TRIM66: variants seen among roughly 807,000 people sequenced by gnomAD.
The protein encoded by TRIM66 is tripartite motif containing 66.
Under a neutral mutation model 148.2 loss-of-function variants are expected in TRIM66, and 99 were observed. The ratio of observed to expected loss-of-function variants is 0.67; its 90% CI spans 0.57 to 0.79. The LOEUF (loss-of-function observed/expected upper bound fraction) is 0.79. Ranked by LOEUF, TRIM66 falls within the 30% of genes least tolerant of loss-of-function variation. TRIM66 has a pLI of 0.00. For synonymous variants in TRIM66, 616 were observed against 635.9 expected (o/e 0.97, Z 0.47); for missense variants, 1,666 against 1,697.9 (o/e 0.98, Z 0.33).
intron 15 of TRIM66, among the ~76,000 whole-genome samples, chr11:8,627,470 AG>A: frequency 6.6e-6 from 1 of 152,358 alleles, no homozygotes; most frequent in African/African-American, 2.4e-5. Flanking sequence ...TAACCATTAA[AG>A]GTTAAAAGAA....
chr11:8,632,603 G>A (rs191971345), intron 15 of TRIM66, among the ~76,000 whole-genome samples: 1 of 152,050 alleles, frequency 6.6e-6, no homozygotes, highest in African/African-American at 2.4e-5. Flanking sequence ...GATTATAGGT[G>A]TCCACCACCA....
rs2033698498 is a variant in TRIM66, at chr11:8,616,028, C to G, written c.*1916G>C. On this transcript the variant is annotated 3_prime_UTR_variant, in exon 25 of 25. Coordinates refer to ENST00000646038, the MANE Select transcript of TRIM66 (RefSeq NM_001388022.1). ...AGCCAACTGAACAGAGAAGGAGATTCAAAAATTGAAAGGGAAATGACCAGA... is the reference window on the plus strand; with the variant it reads ...AGCCAACTGAACAGAGAAGGAGATTGAAAAATTGAAAGGGAAATGACCAGA... The G allele has an allele frequency of 6.6e-6, 1 of 152,160 alleles. No homozygotes were observed. Among genetic ancestry groups the G allele is most frequent in the African/African-American group, 2.4e-5 (1 of 41,412 alleles). The allele number at this position is 152,160 out of a possible 1,614,324, so 9.4% of individuals were successfully genotyped here. A position where few individuals can be genotyped will look rare whatever the true frequency, so the allele number is the denominator to read the frequency against.
At chr11:8,640,170 T>C in intron 14 of TRIM66, 57 bp downstream of exon 14, 1 of 1,495,048 alleles carries the variant, frequency 6.7e-7, no homozygotes, top group Non-Finnish European at 9.0e-7. Flanking sequence ...GAGGCTGTGT[T>C]CCCTGAGTGA....
chr11:8,650,152 T>C (rs1281418792), intron 7 of TRIM66, among the ~76,000 whole-genome samples: 1 of 151,432 alleles, frequency 6.6e-6, no homozygotes, highest in East Asian at 1.9e-4. Context: ...GCAGGAGGAG[T>C]GCTTGAGCCC....
chr11:8,620,322 T>G, intron 21 of TRIM66, 124 bp downstream of exon 21: 1 of 1,447,710 alleles, frequency 6.9e-7, no homozygotes, highest in African/African-American at 1.4e-5. Context: ...GGCCAAGTTG[T>G]CAGGCATAGG....
Position 8,625,052 on chromosome 11 carries a change from C to T in TRIM66, c.2487G>A (p.Leu829=). 6.4e-7 allele frequency: 1 copy of T among 1,551,748 alleles called. No homozygotes were observed. The highest frequency in any genetic ancestry group is 8.7e-7 in the Non-Finnish European group (1 of 1,147,016). ...LSAPPKMVSS[L]TSVQNQAMPS... ...GCATGGCCTGGTTTTGAACACTTGT[C>T]AGGCTGGACACCATTTTGGGGGGAG... The change falls in exon 16 of 25, where the codon CTG becomes CTA. Residue 829 remains leucine (L), a synonymous_variant. Transcript: ENST00000646038.
At chr11:8,619,187 C>G in intron 23 of TRIM66, 196 bp downstream of exon 23, 1 of 733,148 alleles carries the variant, frequency 1.4e-6, no homozygotes, top group Non-Finnish European at 2.2e-6. Flanking sequence ...TCACTAGTAC[C>G]TCCCCTTTTT....
At chr11:8,660,385 C>T (rs2038164113) in intron 6 of TRIM66, among the ~76,000 whole-genome samples, 1 of 152,250 alleles carries the variant, frequency 6.6e-6, no homozygotes, top group Admixed American at 6.5e-5. Context: ...CCTGGTTCCT[C>T]TACAGCTATT....
intron 6 of TRIM66, among the ~76,000 whole-genome samples, chr11:8,668,761 A>G (rs910757262): frequency 4.6e-5 from 7 of 151,644 alleles, no homozygotes; most frequent in African/African-American, 1.7e-4. Flanking sequence ...AACTTTTTGT[A>G]TTTTAGTAGA....
Position 8,646,531 on chromosome 11 carries a change from C to T in TRIM66, c.873G>A (p.Lys291=). The T allele has an allele frequency of 1.3e-6, 2 of 1,551,938 alleles. No homozygotes were observed. The highest frequency in any genetic ancestry group is 1.7e-6 in the Non-Finnish European group (2 of 1,147,016). The change falls in exon 11 of 25, where the codon AAG becomes AAA. Residue 291 remains lysine (K), a synonymous_variant. Coordinates refer to ENST00000646038, the MANE Select transcript of TRIM66 (RefSeq NM_001388022.1). ...RIFEVKHQHR[K]VENQIKMAKM... is the part of the protein sequence containing the mutation. ...TGGCCATTTTGATCTGGTTTTCCAC[C>T]TTCCTATGCTGATGCTTCACTTCAA...
chr11:8,621,641 G>A lies in TRIM66; in HGVS notation c.3255+4C>T, dbSNP rs1592006397. On this transcript the variant is annotated splice_donor_region_variant and intron_variant, in intron 19 of 24. Coordinates refer to ENST00000646038, the MANE Select transcript of TRIM66 (RefSeq NM_001388022.1). Reference sequence around the variant, plus strand: ...TTTAAGGCCAAGGCAAAGCAAAGTGGTACCTTAATGGACATGCTGGAGGAC... The same window carrying A: ...TTTAAGGCCAAGGCAAAGCAAAGTGATACCTTAATGGACATGCTGGAGGAC... 3 of 1,519,960 alleles carry A rather than the reference G, an allele frequency of 2.0e-6. No individual in the cohort carries two copies. Among genetic ancestry groups the A allele is most frequent in the East Asian group, 4.9e-5 (2 of 40,760 alleles). 94.2% of individuals were successfully genotyped at this position (1,519,960 alleles called of 1,614,324 possible). A position where few individuals can be genotyped will look rare whatever the true frequency, so the allele number is the denominator to read the frequency against.
At chr11:8,664,852 T>C (rs934655104) in intron 6 of TRIM66, among the ~76,000 whole-genome samples, 1 of 151,894 alleles carries the variant, frequency 6.6e-6, no homozygotes, top group Non-Finnish European at 1.5e-5. Flanking sequence ...AGAGCAGGAG[T>C]ACAGCCCTGG....
chr11:8,613,144 C>T lies in TRIM66; in HGVS notation c.*4800G>A, dbSNP rs1014627707. On this transcript the variant is annotated 3_prime_UTR_variant, in exon 25 of 25. Transcript: ENST00000646038. ...AGACAGACAGAGGAAGCAGGAGCAGCTGTGATTCTTCCTCCCTACCCAACT... is the reference window on the plus strand; with the variant it reads ...AGACAGACAGAGGAAGCAGGAGCAGTTGTGATTCTTCCTCCCTACCCAACT... The T allele has an allele frequency of 1.3e-5, 2 of 152,206 alleles. No individual in the cohort carries two copies. The highest frequency in any genetic ancestry group is 2.4e-5 in the African/African-American group (1 of 41,432). The allele number at this position is 152,206 out of a possible 1,614,324, so 9.4% of individuals were successfully genotyped here. A position where few individuals can be genotyped will look rare whatever the true frequency, so the allele number is the denominator to read the frequency against.
intron 6 of TRIM66, among the ~76,000 whole-genome samples, chr11:8,660,165 G>A (rs1223994048): frequency 1.3e-5 from 2 of 152,158 alleles, no homozygotes; most frequent in Admixed American, 6.5e-5. Context: ...GCTCCCCACT[G>A]TCCACAGAAT....
At chr11:8,618,141 G>C (rs1591990692) in intron 24 of TRIM66, 138 bp from the exon 25 acceptor site, 1 of 860,136 alleles carries the variant, frequency 1.2e-6, no homozygotes, top group Non-Finnish European at 1.8e-6. Flanking sequence ...AAAACTTACT[G>C]AAGCCACTAA....
At chr11:8,641,619 C>A (rs111948629) in intron 13 of TRIM66, among the ~76,000 whole-genome samples, 99 of 152,152 alleles carry the variant, frequency 6.5e-4, no homozygotes, top group African/African-American at 2.1e-3. Context: ...GCAAGTAGGA[C>A]GGAAGAGAGT....
intron 6 of TRIM66, among the ~76,000 whole-genome samples, chr11:8,665,312 C>A (rs1473784613): frequency 2.6e-5 from 4 of 152,214 alleles, no homozygotes; most frequent in African/African-American, 9.7e-5. Flanking sequence ...GGTGACAGCT[C>A]TGCCTTTCAT....
At chr11:8,661,871 G>C (rs939419247) in intron 6 of TRIM66, among the ~76,000 whole-genome samples, 1 of 152,024 alleles carries the variant, frequency 6.6e-6, no homozygotes, top group African/African-American at 2.4e-5. Flanking sequence ...CAGCCATCTC[G>C]AGCTCCCTCC....
rs1280325685 is a variant in TRIM66, at chr11:8,648,518, A to G, written c.623T>C (p.Leu208Ser). ...TTCCTGTGTGTGTAGAGGACAATAC[A>G]AGGTGAAGTCTCCGGGACCACCATT... ...GVNGGPGDFTLYCPLHTQEVL... is the reference protein window; with the variant it reads ...GVNGGPGDFTSYCPLHTQEVL... The change falls in exon 9 of 25, where the codon TTG (leucine) becomes TCG (serine). Residue 208 changes from leucine (L) to serine (S), a missense_variant. Coordinates refer to ENST00000646038, the MANE Select transcript of TRIM66 (RefSeq NM_001388022.1). 1 of 1,551,696 alleles carries G rather than the reference A, an allele frequency of 6.4e-7. No homozygotes were observed. The highest frequency in any genetic ancestry group is 8.7e-7 in the Non-Finnish European group (1 of 1,146,988).
Sources: allele counts gnomAD v4.1 joint callset (sites outside exome capture counted in the v4.1 genomes callset), GRCh38; gene constraint gnomAD v4.1.1; transcripts MANE v1.5; gene names NCBI Gene and HGNC (gene_info 2026-07-23, HGNC 2026-07-21).